The following SLC4A4 variants were observed in gnomAD, a reference collection of about 807,000 sequenced individuals.
The protein encoded by SLC4A4 is solute carrier family 4 member 4.
SLC4A4 carries 27 observed loss-of-function variants against 111.5 expected under a neutral mutation model. The observed-to-expected ratio is 0.24, with a 90% CI of 0.18 to 0.33. The LOEUF (loss-of-function observed/expected upper bound fraction) is 0.33. Ranked by LOEUF, SLC4A4 falls within the 10% of genes least tolerant of loss-of-function variation. The probability of loss-of-function intolerance (pLI) is 1.00; values close to 1 mark genes in which losing one functional copy is unlikely to be tolerated. For missense variants in SLC4A4, 909 were observed against 1,315.5 expected (o/e 0.69, Z 4.78); for synonymous variants, 443 against 463.4 (o/e 0.96, Z 0.57).
intron 18 of SLC4A4, among the ~76,000 whole-genome samples, chr4:71,539,133 C>A (rs1734824615): frequency 6.6e-6 from 1 of 151,988 alleles, no homozygotes; most frequent in Non-Finnish European, 1.5e-5. Flanking sequence ...TGGATAACTC[C>A]CAAATTCCTA....
chr4:71,287,533 G>A (rs985804527), intron 3 of SLC4A4, among the ~76,000 whole-genome samples: 2 of 152,160 alleles, frequency 1.3e-5, no homozygotes, highest in African/African-American at 4.8e-5. Flanking sequence ...GACCTTTCAT[G>A]CTCATGCCTT....
chr4:71,511,735 T>C (rs1731940330), intron 16 of SLC4A4, among the ~76,000 whole-genome samples: 1 of 152,098 alleles, frequency 6.6e-6, no homozygotes, highest in Non-Finnish European at 1.5e-5. Flanking sequence ...GTCTGTATCA[T>C]TATACCTATA....
chr4:71,235,796 C>T (rs1278948090), intron 1 of SLC4A4, among the ~76,000 whole-genome samples: 1 of 152,132 alleles, frequency 6.6e-6, no homozygotes, highest in African/African-American at 2.4e-5. Flanking sequence ...AGGAGGACAG[C>T]ATAATGTGGT....
chr4:71,151,756 TA>T (rs35840387), intron 2 of SLC4A4, among the ~76,000 whole-genome samples: 43,774 of 127,848 alleles, frequency 0.34, 9,287 homozygotes, highest in African/African-American at 0.62. Flanking sequence ...CCATTTCTAC[TA>T]AAAAAAAAAA....
intron 2 of SLC4A4, among the ~76,000 whole-genome samples, chr4:71,137,179 G>A (rs945618887): frequency 1.2e-4 from 18 of 152,092 alleles, no homozygotes; most frequent in African/African-American, 4.1e-4. Flanking sequence ...GCTCCAAGCC[G>A]AGAGACATCT....
chr4:71,557,856 A>T lies in SLC4A4; in HGVS notation c.2908A>T (p.Thr970Ser). The change falls in exon 22 of 26, where the codon ACG becomes TCG. Residue 970 changes from threonine (T) to serine (S), a missense_variant. This residue lies in a region of SLC4A4 where 104 missense variants were observed against 219.5 expected (regional missense o/e 0.47). Transcript: ENST00000264485. ...CLALLWILKSTVAAIIFPVMI... is the reference protein window; with the variant it reads ...CLALLWILKSSVAAIIFPVMI... ...GGCCCTGCTTTGGATCCTCAAGTCA[A>T]CGGTGGCTGCTATCATTTTTCCAGT... 6.2e-7 allele frequency: 1 copy of T among 1,612,578 alleles called. No homozygotes were observed. The highest frequency in any genetic ancestry group is 8.5e-7 in the Non-Finnish European group (1 of 1,179,164).
intron 6 of SLC4A4, among the ~76,000 whole-genome samples, chr4:71,359,725 A>G (rs180853588): frequency 6.6e-6 from 1 of 152,210 alleles, no homozygotes; most frequent in African/African-American, 2.4e-5. Flanking sequence ...TTATAGAATT[A>G]CTGTAGGTAG....
chr4:71,257,199 C>G (rs1721514754), intron 3 of SLC4A4, among the ~76,000 whole-genome samples: 1 of 152,174 alleles, frequency 6.6e-6, no homozygotes, highest in South Asian at 2.1e-4. Context: ...GCAATCCATT[C>G]TCTTTCCCCT....
At chr4:71,323,094 G>T (rs766023253) in intron 3 of SLC4A4, among the ~76,000 whole-genome samples, 13 of 151,940 alleles carry the variant, frequency 8.6e-5, no homozygotes, top group East Asian at 3.9e-4. Context: ...TTCAAATATT[G>T]TAAGGAAGTG....
chr4:71,457,807 T>A (rs1726426258), intron 12 of SLC4A4, among the ~76,000 whole-genome samples: 2 of 151,980 alleles, frequency 1.3e-5, no homozygotes, highest in South Asian at 4.1e-4. Context: ...GGACCCCCTT[T>A]CCTCCCATGG....
At chr4:71,217,710 G>A (rs1321218449) in intron 1 of SLC4A4, among the ~76,000 whole-genome samples, 1 of 152,168 alleles carries the variant, frequency 6.6e-6, no homozygotes, top group Non-Finnish European at 1.5e-5. Context: ...ACAGAAATAG[G>A]AAACTCTCAG....
chr4:71,447,939 A>G (rs1349754992), intron 9 of SLC4A4, among the ~76,000 whole-genome samples: 1 of 152,232 alleles, frequency 6.6e-6, no homozygotes, highest in African/African-American at 2.4e-5. Flanking sequence ...ATGGGATTCT[A>G]AACTCTGTTG....
intron 13 of SLC4A4, among the ~76,000 whole-genome samples, chr4:71,469,503 T>G (rs1344547962): frequency 6.6e-6 from 1 of 151,986 alleles, no homozygotes; most frequent in African/African-American, 2.4e-5. Context: ...TCAAAAAATC[T>G]AGGAACACTG....
intron 3 of SLC4A4, among the ~76,000 whole-genome samples, chr4:71,319,672 G>A (rs1035505665): frequency 2.6e-5 from 4 of 152,002 alleles, no homozygotes; most frequent in Non-Finnish European, 5.9e-5. Flanking sequence ...TAATATAATA[G>A]CATTATCTGG....
intron 18 of SLC4A4, 40 bp downstream of exon 18, chr4:71,534,428 T>C (rs1734229103): frequency 1.3e-6 from 2 of 1,592,186 alleles, no homozygotes; most frequent in Non-Finnish European, 1.7e-6. Flanking sequence ...CCTTCTACTT[T>C]CTTTTTAGTA....
At chr4:71,340,785 TG>T (rs1395039339) in intron 4 of SLC4A4, among the ~76,000 whole-genome samples, 1 of 151,182 alleles carries the variant, frequency 6.6e-6, no homozygotes, top group African/African-American at 2.5e-5. Flanking sequence ...TATATATGTA[TG>T]GTATATAAAA....
intron 5 of SLC4A4, among the ~76,000 whole-genome samples, chr4:71,352,373 A>C (rs1294616861): frequency 6.6e-6 from 1 of 152,092 alleles, no homozygotes; most frequent in Admixed American, 6.5e-5. Context: ...TAAAAAAAAC[A>C]CAATTTTTTA....
intron 13 of SLC4A4, among the ~76,000 whole-genome samples, chr4:71,470,642 C>T (rs1384694226): frequency 1.3e-5 from 2 of 151,856 alleles, no homozygotes; most frequent in East Asian, 3.9e-4. Flanking sequence ...CAGTGTTCTC[C>T]AGAGAAACAG....
At chr4:71,293,695 C>A (rs1160872260) in intron 3 of SLC4A4, among the ~76,000 whole-genome samples, 1 of 152,130 alleles carries the variant, frequency 6.6e-6, no homozygotes, top group African/African-American at 2.4e-5. Flanking sequence ...CTGATGGTAT[C>A]ACATAAAAAG....
Sources: gnomAD v4.1 joint callset for allele counts (sites outside exome capture counted in the v4.1 genomes callset) on GRCh38, gnomAD v4.1.1 for gene constraint, gnomAD v4.1.1 regional missense constraint, MANE v1.5 for transcripts, NCBI Gene and HGNC (gene_info 2026-07-23, HGNC 2026-07-21) for gene names.